Variants in SPATS2 observed in about 807,000 individuals in gnomAD.
The protein encoded by SPATS2 is spermatogenesis-associated serine-rich protein 2.
A neutral mutation model predicts 63.7 loss-of-function variants in SPATS2; 38 were observed. That is an observed-to-expected ratio of 0.60 (90% CI 0.46 to 0.78). SPATS2 has a LOEUF of 0.78. Among genes scored for constraint, SPATS2 ranks in the 30% least tolerant of loss-of-function variants. The pLI, the probability that SPATS2 is intolerant of heterozygous loss-of-function variation, is 0.00. For missense variants in SPATS2, 588 were observed against 666.2 expected (o/e 0.88, Z 1.29); for synonymous variants, 207 against 232.9 (o/e 0.89, Z 1.01).
At position 49,524,891 on chromosome 12, in the gene SPATS2, C is replaced by G. The variant is rs369467557; in HGVS notation, c.1321C>G (p.Arg441Gly). 6.2e-7 allele frequency: 1 copy of G among 1,613,162 alleles called. No individual in the cohort carries two copies. Among genetic ancestry groups the G allele is most frequent in the East Asian group, 2.2e-5 (1 of 44,876 alleles). The change falls in exon 13 of 14, where the codon CGG becomes GGG. Residue 441 changes from arginine to glycine, a missense_variant. By Grantham distance (125) the Arg-to-Gly change is moderately radical (BLOSUM62 -2). Transcript: ENST00000552918. Reference sequence around the variant, plus strand: ...CAGTGGCCAGCCCTACCAGCCACTTCGGGAGGTAACCTAGCTTCTACACTG... The same window carrying G: ...CAGTGGCCAGCCCTACCAGCCACTTGGGGAGGTAACCTAGCTTCTACACTG... ...NSSGQPYQPL[R>G]EVLPGNRRGG... is the part of the protein sequence containing the mutation.
chr12:49,371,038 TG>T (rs1943988993), intron 1 of SPATS2, among the ~76,000 whole-genome samples, 189 bp from the exon 2 acceptor site: 1 of 152,234 alleles, frequency 6.6e-6, no homozygotes, highest in African/African-American at 2.4e-5. Flanking sequence ...AAAAAATTAT[TG>T]TGGTAAACTA....
intron 9 of SPATS2, among the ~76,000 whole-genome samples, chr12:49,500,645 G>T (rs375502707): frequency 1.3e-5 from 2 of 152,116 alleles, no homozygotes; most frequent in Admixed American, 1.3e-4. Context: ...GGTGGCGCGC[G>T]CCTGTAGTCC....
At chr12:49,476,601 AC>A (rs1486828129) in intron 3 of SPATS2, among the ~76,000 whole-genome samples, 1 of 151,764 alleles carries the variant, frequency 6.6e-6, no homozygotes. Flanking sequence ...GTAAACATTC[AC>A]CCCTAGACAC....
chr12:49,426,555 C>T (rs910150591), intron 2 of SPATS2, among the ~76,000 whole-genome samples: 1 of 151,868 alleles, frequency 6.6e-6, no homozygotes, highest in African/African-American at 2.4e-5. Context: ...GTATCATATT[C>T]TTTTTTTTGA....
chr12:49,368,900 G>C (rs923279342), intron 1 of SPATS2, among the ~76,000 whole-genome samples: 1 of 152,070 alleles, frequency 6.6e-6, no homozygotes, highest in Non-Finnish European at 1.5e-5. Flanking sequence ...GCTAGGTCTT[G>C]GATGGTAGCA....
chr12:49,449,161 C>A (rs919381479), intron 2 of SPATS2, among the ~76,000 whole-genome samples: 4 of 152,134 alleles, frequency 2.6e-5, no homozygotes, highest in Non-Finnish European at 4.4e-5. Context: ...ATATAATATT[C>A]TTTTCTTGTT....
At chr12:49,429,775 T>C (rs1359122250) in intron 2 of SPATS2, among the ~76,000 whole-genome samples, 3 of 138,302 alleles carry the variant, frequency 2.2e-5, no homozygotes, top group Non-Finnish European at 4.5e-5. Flanking sequence ...GGTCTTTCTC[T>C]TCTTCTTCTT....
intron 2 of SPATS2, among the ~76,000 whole-genome samples, chr12:49,375,206 G>T (rs954072123): frequency 2.1e-5 from 3 of 142,790 alleles, no homozygotes; most frequent in Non-Finnish European, 4.5e-5. Context: ...GGTGGTAGTG[G>T]TCTTTAGAAT....
intron 4 of SPATS2, among the ~76,000 whole-genome samples, chr12:49,485,350 G>A (rs1023953691): frequency 1.3e-5 from 2 of 151,518 alleles, no homozygotes; most frequent in African/African-American, 2.4e-5. Flanking sequence ...CACCATGCCC[G>A]GCCGAAATAG....
chr12:49,369,311 G>A (rs1471963769), intron 1 of SPATS2, among the ~76,000 whole-genome samples: 2 of 152,064 alleles, frequency 1.3e-5, no homozygotes, highest in East Asian at 3.9e-4. Context: ...ACAGGCGTGA[G>A]CCACCGCAGC....
chr12:49,397,580 A>C (rs1201266008), intron 2 of SPATS2, among the ~76,000 whole-genome samples: 1 of 152,128 alleles, frequency 6.6e-6, no homozygotes, highest in Non-Finnish European at 1.5e-5. Flanking sequence ...GTAATCCCAC[A>C]GCTTTGGCAG....
chr12:49,454,888 A>AC (rs1044750125), intron 2 of SPATS2, among the ~76,000 whole-genome samples: 5 of 151,604 alleles, frequency 3.3e-5, no homozygotes, highest in African/African-American at 1.2e-4. Flanking sequence ...TTTAAAAAAA[A>AC]AAAAAAAAAA....
At chr12:49,452,427 G>A (rs1423680550) in intron 2 of SPATS2, among the ~76,000 whole-genome samples, 1 of 152,168 alleles carries the variant, frequency 6.6e-6, no homozygotes, top group Non-Finnish European at 1.5e-5. Context: ...CTACAGGCAT[G>A]CGCCACCACA....
At chr12:49,389,210 A>AGT (rs1322465270) in intron 2 of SPATS2, among the ~76,000 whole-genome samples, 1 of 152,172 alleles carries the variant, frequency 6.6e-6, no homozygotes, top group Admixed American at 6.5e-5. Context: ...CAAAGCTTCA[A>AGT]GTGTTCGGCC....
chr12:49,379,420 G>A lies in SPATS2; in HGVS notation c.-244+8130G>A, dbSNP rs1218341619. ...AAAATAATTAGCCGGGCATGGTAGC[G>A]GGTGCCTGTAGTCCCAGCTACTCAG... On this transcript the variant is annotated intron_variant, in intron 2 of 13. Transcript: ENST00000552918. Among the ~76,000 whole-genome samples the A allele has an allele frequency of 4.7e-5, 7 of 148,142 alleles. No homozygotes were observed. The Middle Eastern group carries it at 0.01, about 219-fold the overall frequency.
intron 3 of SPATS2, among the ~76,000 whole-genome samples, chr12:49,479,484 C>T (rs547305423): frequency 4.4e-4 from 67 of 152,366 alleles, no homozygotes; most frequent in African/African-American, 1.5e-3. Context: ...CAAGAGTACA[C>T]GGATGCCTGA....
At chr12:49,435,312 G>GAGCC (rs1945256149) in intron 2 of SPATS2, among the ~76,000 whole-genome samples, 1 of 151,574 alleles carries the variant, frequency 6.6e-6, no homozygotes, top group Non-Finnish European at 1.5e-5. Flanking sequence ...TTACAGGCGT[G>GAGCC]AGCCACTGTG....
chr12:49,414,915 CTTTT>C (rs1171782599), intron 2 of SPATS2, among the ~76,000 whole-genome samples: 1 of 140,150 alleles, frequency 7.1e-6, no homozygotes, highest in Non-Finnish European at 1.6e-5. Flanking sequence ...GCATTTCTTT[CTTTT>C]TCTTTTTTTC....
intron 2 of SPATS2, among the ~76,000 whole-genome samples, chr12:49,436,612 C>A (rs1945299798): frequency 7.4e-6 from 1 of 134,332 alleles, no homozygotes; most frequent in Non-Finnish European, 1.7e-5. Flanking sequence ...GGGGGCTGAC[C>A]CCCCCACCTC....
Sources: gnomAD v4.1 joint callset for allele counts (sites outside exome capture counted in the v4.1 genomes callset) on GRCh38, gnomAD v4.1.1 for gene constraint, MANE v1.5 for transcripts, NCBI Gene and HGNC (gene_info 2026-07-23, HGNC 2026-07-21) for gene names.